MAF: variants seen among roughly 807,000 people sequenced by gnomAD.
MAF encodes the protein transcription factor Maf.
MAF carries 10 observed loss-of-function variants against 22.0 expected under a neutral mutation model. The observed-to-expected ratio is 0.45, with a 90% CI of 0.28 to 0.77. MAF has a LOEUF of 0.77. MAF is among the 30% of genes least tolerant of loss of function. The pLI is 0.12. For synonymous variants in MAF, 337 were observed against 255.8 expected (o/e 1.32, Z -3.03); for missense variants, 544 against 548.4 (o/e 0.99, Z 0.08).
At chr16:79,517,029 T>C in the MAF span, among the ~76,000 whole-genome samples, 4,019 of 150,386 alleles carry the variant, frequency 0.027, 185 homozygotes, top group African/African-American at 0.092. Flanking sequence ...AGTTTTTTTA[T>C]TTTTTTTTTC....
the MAF span, among the ~76,000 whole-genome samples, chr16:79,429,159 C>G: frequency 6.6e-6 from 1 of 152,168 alleles, no homozygotes; most frequent in East Asian, 1.9e-4. Flanking sequence ...ACCTTGAGGA[C>G]TGACTCAGGA....
the MAF span, among the ~76,000 whole-genome samples, chr16:79,208,735 T>C: frequency 6.6e-6 from 1 of 152,188 alleles, no homozygotes; most frequent in Non-Finnish European, 1.5e-5. Flanking sequence ...TCTGATGATA[T>C]GTAGGCCGAA....
At chr16:79,215,571 T>C in the MAF span, among the ~76,000 whole-genome samples, 20 of 152,176 alleles carry the variant, frequency 1.3e-4, no homozygotes, top group African/African-American at 2.2e-4. Context: ...AGGGCCTCTA[T>C]GCTGACTTCC....
the MAF span, among the ~76,000 whole-genome samples, chr16:79,237,274 G>A: frequency 2.0e-5 from 3 of 152,104 alleles, no homozygotes; most frequent in Non-Finnish European, 4.4e-5. Flanking sequence ...AACAACTGAA[G>A]TATAAATCCC....
downstream of MAF, among the ~76,000 whole-genome samples, chr16:79,592,009 A>G (rs539997189): frequency 9.3e-4 from 141 of 152,338 alleles, no homozygotes; most frequent in Admixed American, 1.2e-3. Flanking sequence ...CTTCTGGCAT[A>G]CATGCACACT....
chr16:79,302,119 C>T, the MAF span, among the ~76,000 whole-genome samples: 1 of 152,212 alleles, frequency 6.6e-6, no homozygotes, highest in South Asian at 2.1e-4. Context: ...CACCTGGGGT[C>T]TCAGTGATGG....
At chr16:79,252,513 A>G in the MAF span, among the ~76,000 whole-genome samples, 1,397 of 152,040 alleles carry the variant, frequency 9.2e-3, 17 homozygotes, top group African/African-American at 0.032. Context: ...TTTTCGAGAT[A>G]GAGTCTCACT....
the MAF span, among the ~76,000 whole-genome samples, chr16:79,327,490 A>G: frequency 6.6e-6 from 1 of 152,214 alleles, no homozygotes; most frequent in South Asian, 2.1e-4. Context: ...ATGAGTTATT[A>G]TAAGACAAGA....
At chr16:79,212,342 A>T in the MAF span, 39 of 666,120 alleles carry the variant, frequency 5.9e-5, no homozygotes, top group Non-Finnish European at 1.5e-5. Context: ...GCCAGTGAGG[A>T]TGACAGTGAC....
intron 1 of MAF, chr16:79,597,055 G>A (rs1913575751): frequency 9.5e-7 from 1 of 1,057,364 alleles, no homozygotes; most frequent in Non-Finnish European, 1.1e-6. Context: ...ACAGTCAGTG[G>A]TATAGCAAAG....
the MAF span, among the ~76,000 whole-genome samples, chr16:79,506,152 T>C: frequency 6.6e-6 from 1 of 152,298 alleles, no homozygotes; most frequent in Middle Eastern, 3.4e-3. Flanking sequence ...TGGAGTTGGA[T>C]TAATGATAGT....
At chr16:79,302,122 A>G in the MAF span, among the ~76,000 whole-genome samples, 1 of 152,336 alleles carries the variant, frequency 6.6e-6, no homozygotes, top group East Asian at 1.9e-4. Context: ...CTGGGGTCTC[A>G]GTGATGGTGC....
chr16:79,260,139 A>G, the MAF span, among the ~76,000 whole-genome samples: 1 of 152,110 alleles, frequency 6.6e-6, no homozygotes, highest in East Asian at 1.9e-4. Context: ...TGACTCATTT[A>G]TCTTATTTTG....
At chr16:79,366,750 G>T in the MAF span, among the ~76,000 whole-genome samples, 6,509 of 152,246 alleles carry the variant, frequency 0.043, 276 homozygotes, top group East Asian at 0.19. Flanking sequence ...GAAACGTATG[G>T]TGCTAGAGAC....
At chr16:79,325,305 A>T in the MAF span, among the ~76,000 whole-genome samples, 1 of 152,208 alleles carries the variant, frequency 6.6e-6, no homozygotes, top group East Asian at 1.9e-4. Context: ...ACAACCGTGC[A>T]TGCAACTGGC....
At chr16:79,225,936 G>T in the MAF span, among the ~76,000 whole-genome samples, 1 of 152,194 alleles carries the variant, frequency 6.6e-6, no homozygotes, top group African/African-American at 2.4e-5. Context: ...TGGTGAGAGT[G>T]TAAATTAGTT....
At chr16:79,240,488 A>G in the MAF span, among the ~76,000 whole-genome samples, 22 of 39,244 alleles carry the variant, frequency 5.6e-4, no homozygotes, top group East Asian at 3.6e-3. Context: ...GCATCTCTGG[A>G]AAAAAAAAAA....
the MAF span, among the ~76,000 whole-genome samples, chr16:79,471,183 A>G: frequency 6.6e-6 from 1 of 152,340 alleles, no homozygotes; most frequent in East Asian, 1.9e-4. Flanking sequence ...GGTAAGATGG[A>G]GAGGCAGAAG....
At chr16:79,255,373 C>T in the MAF span, among the ~76,000 whole-genome samples, 1 of 152,224 alleles carries the variant, frequency 6.6e-6, no homozygotes, top group African/African-American at 2.4e-5. Flanking sequence ...GAGCTCTCTG[C>T]TCGTTTTGGG....
Sources: allele counts gnomAD v4.1 joint callset (sites outside exome capture counted in the v4.1 genomes callset), GRCh38; gene constraint gnomAD v4.1.1; transcripts MANE v1.5; gene names NCBI Gene and HGNC (gene_info 2026-07-23, HGNC 2026-07-21).